Variants in GPHN observed in about 807,000 individuals in gnomAD.
GPHN encodes the protein gephyrin.
In GPHN, 17 loss-of-function variants were observed where a neutral mutation model predicts 95.5. The ratio of observed to expected loss-of-function variants is 0.18; its 90% CI spans 0.12 to 0.27. The LOEUF (loss-of-function observed/expected upper bound fraction) is 0.27, where lower values mean the gene tolerates loss of function less well. GPHN is among the 10% of genes least tolerant of loss of function. The pLI is 1.00. For synonymous variants in GPHN, 320 were observed against 322.5 expected (o/e 0.99, Z 0.08); for missense variants, 660 against 978.1 (o/e 0.67, Z 4.34).
the GPHN span, chr14:67,254,292 C>T: frequency 6.7e-6 from 1 of 150,368 alleles, no homozygotes; most frequent in South Asian, 2.1e-4. Flanking sequence ...AGTGGGTACT[C>T]GCCTTGTTGA....
At chr14:67,368,920 T>G in the GPHN span, among the ~76,000 whole-genome samples, 3 of 151,790 alleles carry the variant, frequency 2.0e-5, no homozygotes, top group African/African-American at 7.3e-5. Context: ...AAAATGGAAT[T>G]CTAGAAAACA....
the GPHN span, among the ~76,000 whole-genome samples, chr14:67,258,304 G>A: frequency 4.3e-4 from 65 of 152,062 alleles, no homozygotes; most frequent in Non-Finnish European, 9.0e-4. Context: ...GGATCCCAAG[G>A]CAGGTGGATC....
intron 11 of GPHN, among the ~76,000 whole-genome samples, chr14:67,085,319 A>G (rs999332507): frequency 3.9e-5 from 6 of 152,248 alleles, no homozygotes; most frequent in African/African-American, 1.2e-4. Flanking sequence ...CAAGACAGAA[A>G]TCAAGTGAGC....
At chr14:66,558,326 G>A (rs1475129673) in intron 1 of GPHN, among the ~76,000 whole-genome samples, 1 of 152,030 alleles carries the variant, frequency 6.6e-6, no homozygotes, top group East Asian at 1.9e-4. Flanking sequence ...CTGATATTTT[G>A]TACAAAGAAT....
chr14:67,086,903 T>C (rs1454883018), intron 11 of GPHN, among the ~76,000 whole-genome samples: 3 of 151,068 alleles, frequency 2.0e-5, no homozygotes, highest in African/African-American at 7.3e-5. Context: ...CCAGGTGTGG[T>C]GGCGGGCGCC....
At chr14:67,353,479 TTTG>T in the GPHN span, among the ~76,000 whole-genome samples, 21 of 151,716 alleles carry the variant, frequency 1.4e-4, no homozygotes, top group African/African-American at 3.9e-4. Context: ...CAAGACTCCT[TTTG>T]TTGTTGTTGT....
chr14:66,929,505 G>A (rs79176174), intron 8 of GPHN, among the ~76,000 whole-genome samples: 2,073 of 152,116 alleles, frequency 0.014, 18 homozygotes, highest in African/African-American at 0.024. Flanking sequence ...GGTGTTGGTT[G>A]CATATATGTT....
At chr14:67,106,839 A>C (rs1248951446) in intron 13 of GPHN, among the ~76,000 whole-genome samples, 1 of 151,766 alleles carries the variant, frequency 6.6e-6, no homozygotes, top group Non-Finnish European at 1.5e-5. Flanking sequence ...TTTTCATTGG[A>C]GTCTGTTACT....
In GPHN at chr14:67,100,837, G is replaced by T; in HGVS notation, c.1238-19G>T. 6.4e-7 allele frequency: 1 copy of T among 1,568,692 alleles called. No homozygotes were observed. The highest frequency in any genetic ancestry group is 8.8e-7 in the Non-Finnish European group (1 of 1,138,580). ...AGGTCCATACTGATGTTTGTTCTTG[G>T]CTCTGTTCCATCTCACAGCTGCTGA... On this transcript the variant is annotated intron_variant, in intron 12 of 22. Transcript: ENST00000478722.
chr14:67,558,844 A>G, the GPHN span, among the ~76,000 whole-genome samples: 2 of 152,376 alleles, frequency 1.3e-5, no homozygotes, highest in South Asian at 2.1e-4. Flanking sequence ...CTCTGTTGCA[A>G]CTGGTCAAAG....
At chr14:67,538,038 G>A in the GPHN span, among the ~76,000 whole-genome samples, 2 of 152,172 alleles carry the variant, frequency 1.3e-5, no homozygotes, top group Non-Finnish European at 2.9e-5. Flanking sequence ...TAATTTTAGC[G>A]GGGTATTGGG....
At chr14:66,516,973 T>C (rs1406308281) in intron 1 of GPHN, among the ~76,000 whole-genome samples, 1 of 151,036 alleles carries the variant, frequency 6.6e-6, no homozygotes, top group African/African-American at 2.4e-5. Flanking sequence ...CTACTAAAAA[T>C]ATGAAAATTA....
the GPHN span, among the ~76,000 whole-genome samples, chr14:67,678,664 A>G: frequency 6.6e-6 from 1 of 152,208 alleles, no homozygotes; most frequent in Non-Finnish European, 1.5e-5. Context: ...TATATAATGC[A>G]TACATTTGGT....
the GPHN span, among the ~76,000 whole-genome samples, chr14:67,307,157 C>T: frequency 2.2e-4 from 33 of 152,244 alleles, no homozygotes; most frequent in African/African-American, 7.7e-4. Context: ...GTCTTGGCAC[C>T]TCTGTATTTC....
At chr14:66,518,142 C>CA (rs140918454) in intron 1 of GPHN, among the ~76,000 whole-genome samples, 47,685 of 148,594 alleles carry the variant, frequency 0.32, 10,993 homozygotes, top group African/African-American at 0.63. Flanking sequence ...AAAAACAAAA[C>CA]AAAAAAAACC....
the GPHN span, chr14:67,386,538 C>T: frequency 6.6e-6 from 1 of 152,226 alleles, no homozygotes; most frequent in South Asian, 2.1e-4. Context: ...AGACTTTTCA[C>T]TACAGATTAA....
chr14:67,302,710 C>T, the GPHN span: 21 of 626,066 alleles, frequency 3.4e-5, no homozygotes, highest in East Asian at 7.3e-4. Context: ...AACTGTTCCA[C>T]AGTATTTGTT....
At chr14:66,833,297 A>G (rs963867373) in intron 4 of GPHN, among the ~76,000 whole-genome samples, 3 of 152,164 alleles carry the variant, frequency 2.0e-5, no homozygotes, top group Non-Finnish European at 4.4e-5. Context: ...AGCCCCTTAT[A>G]AAAACATCAG....
At chr14:66,751,270 A>G (rs759461243) in intron 2 of GPHN, among the ~76,000 whole-genome samples, 1 of 152,036 alleles carries the variant, frequency 6.6e-6, no homozygotes, top group Non-Finnish European at 1.5e-5. Flanking sequence ...GAATCACCAC[A>G]CTGTCTTTCA....
Sources: allele counts gnomAD v4.1 joint callset (sites outside exome capture counted in the v4.1 genomes callset), GRCh38; gene constraint gnomAD v4.1.1; transcripts MANE v1.5; gene names NCBI Gene and HGNC (gene_info 2026-07-23, HGNC 2026-07-21).